The following SNX1 variants were observed in gnomAD, a reference collection of about 807,000 sequenced individuals.
The protein encoded by SNX1 is sorting nexin-1.
SNX1 carries 36 observed loss-of-function variants against 71.8 expected under a neutral mutation model. That is an observed-to-expected ratio of 0.50 (90% confidence interval 0.38 to 0.66). SNX1 has a LOEUF of 0.66. SNX1 is among the 30% of genes least tolerant of loss of function. The pLI, the probability that SNX1 is intolerant of heterozygous loss-of-function variation, is 0.00. For synonymous variants in SNX1, 254 were observed against 240.7 expected, an observed-to-expected ratio of 1.06 and a Z score of -0.51; for missense variants, 612 against 646.7, an observed-to-expected ratio of 0.95 and a Z score of 0.58.
At chr15:64,131,952 G>C (rs2081311716) in intron 11 of SNX1, 60 bp downstream of exon 11, 4 of 1,563,324 alleles carry the variant, frequency 2.6e-6, no homozygotes, top group Non-Finnish European at 2.6e-6. Flanking sequence ...TCCTTTGCTG[G>C]TCCCCTTCCC....
intron 11 of SNX1, among the ~76,000 whole-genome samples, chr15:64,132,720 G>T (rs2081319662): frequency 6.6e-6 from 1 of 152,144 alleles, no homozygotes; most frequent in Non-Finnish European, 1.5e-5. Flanking sequence ...CTCGTTCCCC[G>T]TCCCCAACAT....
At chr15:64,109,880 A>G (rs1461917144) in intron 1 of SNX1, among the ~76,000 whole-genome samples, 2 of 151,966 alleles carry the variant, frequency 1.3e-5, no homozygotes, top group Admixed American at 1.3e-4. Flanking sequence ...TGGATGCCGC[A>G]CTCTTACACA....
chr15:64,111,995 C>G (rs2081082466), intron 1 of SNX1, among the ~76,000 whole-genome samples: 1 of 152,202 alleles, frequency 6.6e-6, no homozygotes, highest in African/African-American at 2.4e-5. Context: ...ATTCTCCTAG[C>G]TTGACACAGT....
chr15:64,133,617 C>T (rs981482782), intron 11 of SNX1, among the ~76,000 whole-genome samples: 1 of 152,204 alleles, frequency 6.6e-6, no homozygotes, highest in African/African-American at 2.4e-5. Context: ...ATAATCCCAG[C>T]TACTCAGGAG....
chr15:64,127,136 T>G, intron 6 of SNX1, 38 bp from the exon 7 acceptor site: 23 of 1,446,756 alleles, frequency 1.6e-5, no homozygotes, highest in Non-Finnish European at 2.0e-5. Context: ...CTCTTCATGA[T>G]GATTTATGGT....
intron 11 of SNX1, among the ~76,000 whole-genome samples, 158 bp downstream of exon 11, chr15:64,132,050 A>G (rs1020059532): frequency 1.3e-5 from 2 of 152,188 alleles, no homozygotes; most frequent in African/African-American, 2.4e-5. Flanking sequence ...CAAGCAATCT[A>G]TTCACCTGTT....
chr15:64,099,699 CA>C (rs1567314530), intron 1 of SNX1, among the ~76,000 whole-genome samples: 1 of 152,164 alleles, frequency 6.6e-6, no homozygotes, highest in African/African-American at 2.4e-5. Context: ...CTAAAAGCAT[CA>C]AATAGACACT....
At chr15:64,104,433 C>T (rs537757085) in intron 1 of SNX1, among the ~76,000 whole-genome samples, 3 of 151,946 alleles carry the variant, frequency 2.0e-5, no homozygotes, top group East Asian at 2.0e-4. Flanking sequence ...CCACCACGCC[C>T]GGCTAATTTT....
intron 1 of SNX1, among the ~76,000 whole-genome samples, chr15:64,105,789 T>G (rs1279185241): frequency 6.6e-6 from 1 of 152,170 alleles, no homozygotes; most frequent in Non-Finnish European, 1.5e-5. Context: ...TTGCACATGA[T>G]TTTCCTTAAC....
chr15:64,120,796 A>C (rs907505413), intron 4 of SNX1, among the ~76,000 whole-genome samples: 2 of 152,194 alleles, frequency 1.3e-5, no homozygotes, highest in Middle Eastern at 3.2e-3. Context: ...AGCTGAGGTA[A>C]TACTACTGCA....
At position 64,118,869 on chromosome 15, in the gene SNX1, G is replaced by A. The variant is rs566377151; in HGVS notation, c.466+15G>A. 1 of 1,600,978 alleles carries A rather than the reference G, an allele frequency of 6.2e-7. No homozygotes were observed. The highest frequency in any genetic ancestry group is 1.1e-5 in the South Asian group (1 of 90,378). On this transcript the variant is annotated intron_variant, in intron 4 of 14. Transcript: ENST00000559844. ...TGAGAAGATAGGTAAGTGGTTCTTAGGACTCCTTGTGATGTTAGGATGTGG... is the reference window on the plus strand; with the variant it reads ...TGAGAAGATAGGTAAGTGGTTCTTAAGACTCCTTGTGATGTTAGGATGTGG...
In SNX1 at chr15:64,134,902, G is replaced by C; in HGVS notation, c.1365+95G>C. 6.7e-7 allele frequency: 1 copy of C among 1,490,964 alleles called. No homozygotes were observed. Among genetic ancestry groups the C allele is most frequent in the African/African-American group, 1.4e-5 (1 of 72,096 alleles). 92.4% of individuals were successfully genotyped at this position (1,490,964 alleles called of 1,614,324 possible). A position where few individuals can be genotyped will look rare whatever the true frequency, so the allele number is the denominator to read the frequency against. ...CCAGAGGTTTGGAACCCCACAGGGG[G>C]AAGAGCGCTGATTGAGTCTAAAGGG... On this transcript the variant is annotated intron_variant, in intron 12 of 14. Coordinates refer to ENST00000559844, the MANE Select transcript of SNX1 (RefSeq NM_003099.5). The surrounding 1 kb of genome is among the most constrained non-coding windows in gnomAD (Gnocchi z 4.1).
rs141596495 is a variant in SNX1, at chr15:64,112,641, G to A, written c.228G>A (p.Gly76=). 5.3e-5 allele frequency: 86 copies of A among 1,613,224 alleles called. No homozygotes were observed. In the African/African-American group the frequency reaches 9.8e-4, roughly 18 times the overall value. Residue 76 remains glycine (G), a synonymous_variant, in exon 2 of 15, where the codon GGG becomes GGA. Transcript: ENST00000559844. Reference sequence around the variant, plus strand: ...TCAACAATGGCTCCAAAGAAAATGGGATCCATGAAGAACAAGACCAAGAGC... The same window carrying A: ...TCAACAATGGCTCCAAAGAAAATGGAATCCATGAAGAACAAGACCAAGAGC... ...LPINNGSKEN[G]IHEEQDQEPQ... is the part of the protein sequence containing the mutation.
intron 1 of SNX1, among the ~76,000 whole-genome samples, chr15:64,102,761 CT>C (rs60616312): frequency 0.11 from 8,330 of 76,120 alleles, 157 homozygotes; most frequent in South Asian, 0.29. Flanking sequence ...ACCACGCCTT[CT>C]TTTTTTTTTT....
chr15:64,113,606 G>A (rs545057241), intron 2 of SNX1, among the ~76,000 whole-genome samples: 15 of 152,274 alleles, frequency 9.9e-5, no homozygotes, highest in African/African-American at 3.6e-4. Flanking sequence ...GATCACTTGA[G>A]GTCAGGAGTT....
chr15:64,141,685 G>C lies in SNX1; in HGVS notation c.*4067G>C, dbSNP rs1039133146. On this transcript the variant is annotated 3_prime_UTR_variant, in exon 15 of 15. Transcript: ENST00000559844. The surrounding 1 kb of genome is among the most constrained non-coding windows in gnomAD (Gnocchi z 5.1). ...AAACGAGCAGGAGCCACATCACATG[G>C]GTGTCTGATAGGACCTGGGAGGCGC... 1.3e-5 allele frequency: 2 copies of C among 152,316 alleles called. No individual in the cohort carries two copies. The highest frequency in any genetic ancestry group is 4.8e-5 in the African/African-American group (2 of 41,424). The allele number at this position is 152,316 out of a possible 1,614,324, so 9.4% of individuals were successfully genotyped here.
At position 64,096,004 on chromosome 15, in the gene SNX1, G is replaced by T; in HGVS notation, c.-10G>T. ...GTTGTTGTTGCGGCTTCCGCCGCGG[G>T]TGGAAGAAGATGGCGTCGGGTGGTG... On this transcript the variant is annotated 5_prime_UTR_variant, in exon 1 of 15. Transcript: ENST00000559844. 6.3e-7 allele frequency: 1 copy of T among 1,596,340 alleles called. No homozygotes were observed. Among genetic ancestry groups the T allele is most frequent in the Non-Finnish European group, 8.5e-7 (1 of 1,175,068 alleles).
chr15:64,105,432 C>T (rs1448783474), intron 1 of SNX1, among the ~76,000 whole-genome samples: 1 of 152,112 alleles, frequency 6.6e-6, no homozygotes, highest in Non-Finnish European at 1.5e-5. Context: ...ACTCAAGTAA[C>T]TTTTGACATA....
chr15:64,137,842 C>T lies in SNX1; in HGVS notation c.*224C>T. 2 of 1,412,894 alleles carry T rather than the reference C, an allele frequency of 1.4e-6. No homozygotes were observed. Among genetic ancestry groups the T allele is most frequent in the Non-Finnish European group, 9.2e-7 (1 of 1,086,746 alleles). The allele number at this position is 1,412,894 out of a possible 1,614,324, so 87.5% of individuals were successfully genotyped here. Reference sequence around the variant, plus strand: ...ATAGTTTCCTGCTTTAAGCAAAAGACCTACAATAGGTGGTGGAATTATGGG... The same window carrying T: ...ATAGTTTCCTGCTTTAAGCAAAAGATCTACAATAGGTGGTGGAATTATGGG... On this transcript the variant is annotated 3_prime_UTR_variant, in exon 15 of 15. Transcript: ENST00000559844.
Sources: allele counts gnomAD v4.1 joint callset (sites outside exome capture counted in the v4.1 genomes callset), GRCh38; gene constraint gnomAD v4.1.1; non-coding constraint Gnocchi (gnomAD v3.1); transcripts MANE v1.5; gene names NCBI Gene and HGNC (gene_info 2026-07-23, HGNC 2026-07-21).